The following SLC29A3 variants were observed in gnomAD, a reference collection of about 807,000 sequenced individuals.
The protein encoded by SLC29A3 is equilibrative nucleoside transporter 3.
Under a neutral mutation model 25.4 loss-of-function variants are expected in SLC29A3, and 18 were observed. The observed-to-expected ratio is 0.71, with a 90% CI of 0.49 to 1.05. SLC29A3 has a LOEUF of 1.05. Ranked by LOEUF, SLC29A3 falls within the 50% of genes least tolerant of loss-of-function variation. The pLI is 0.00. For missense variants in SLC29A3, 586 were observed against 609.0 expected (o/e 0.96, Z 0.40); for synonymous variants, 258 against 267.1 (o/e 0.97, Z 0.33).
chr10:71,341,104 G>A (rs1381719846), intron 2 of SLC29A3, among the ~76,000 whole-genome samples: 1 of 152,178 alleles, frequency 6.6e-6, no homozygotes, highest in East Asian at 1.9e-4. Flanking sequence ...CCTCTCATTG[G>A]TTAAAGTGGG....
At chr10:71,354,803 T>C (rs1846854685) in intron 4 of SLC29A3, among the ~76,000 whole-genome samples, 1 of 152,178 alleles carries the variant, frequency 6.6e-6, no homozygotes, top group African/African-American at 2.4e-5. Flanking sequence ...TGTCAGTGCT[T>C]TTCCACTCAT....
rs190775850 is a variant in SLC29A3, at chr10:71,361,448, C to T, written c.774-506C>T. On this transcript the variant is annotated intron_variant, in intron 5 of 5. Transcript: ENST00000373189. ...AAGTATTGGGATTATAGGCGTGAGC[C>T]ATCATGCCCGGCCTAGAATGTTAAC... Among the ~76,000 whole-genome samples the T allele has an allele frequency of 3.9e-3, 593 of 152,324 alleles. 3 individuals are homozygous for T. Among genetic ancestry groups the T allele is most frequent in the African/African-American group, 0.013 (553 of 41,560 alleles).
chr10:71,369,267 T>G (rs1267100285), intron 3 of SLC29A3, among the ~76,000 whole-genome samples: 2 of 152,230 alleles, frequency 1.3e-5, no homozygotes, highest in Non-Finnish European at 2.9e-5. Context: ...GCTATGATAT[T>G]TTTGTTATAG....
At chr10:71,340,116 G>A (rs1280743003) in intron 2 of SLC29A3, among the ~76,000 whole-genome samples, 1 of 152,224 alleles carries the variant, frequency 6.6e-6, no homozygotes, top group Non-Finnish European at 1.5e-5. Context: ...CCTGCCCAGG[G>A]CCCTCCTGCT....
intron 2 of SLC29A3, among the ~76,000 whole-genome samples, chr10:71,328,963 C>A (rs1246207795): frequency 6.6e-6 from 1 of 152,154 alleles, no homozygotes; most frequent in Non-Finnish European, 1.5e-5. Flanking sequence ...CCTCCCAATC[C>A]AAGGAGGAAG....
downstream of SLC29A3, among the ~76,000 whole-genome samples, chr10:71,363,618 C>T (rs1589245740): frequency 6.6e-6 from 1 of 151,596 alleles, no homozygotes; most frequent in African/African-American, 2.4e-5. Flanking sequence ...TGCACACCAC[C>T]ATGCCTCGCT....
chr10:71,332,133 T>G (rs575390234), intron 2 of SLC29A3, among the ~76,000 whole-genome samples: 5 of 148,776 alleles, frequency 3.4e-5, no homozygotes, highest in Admixed American at 7.1e-5. Context: ...TTTTCTTCTC[T>G]TTTCTTTTTC....
intron 2 of SLC29A3, among the ~76,000 whole-genome samples, chr10:71,336,817 A>C (rs1846265545): frequency 6.6e-6 from 1 of 152,000 alleles, no homozygotes; most frequent in Non-Finnish European, 1.5e-5. Flanking sequence ...AGAAGACAGG[A>C]ACTTTGCTCA....
intron 3 of SLC29A3, among the ~76,000 whole-genome samples, chr10:71,350,130 A>G (rs1846713243): frequency 6.6e-6 from 1 of 152,010 alleles, no homozygotes; most frequent in Non-Finnish European, 1.5e-5. Context: ...CTCCCTACAG[A>G]CTCACTCCAC....
At chr10:71,355,517 T>C (rs113470720) in intron 4 of SLC29A3, among the ~76,000 whole-genome samples, 203 of 152,276 alleles carry the variant, frequency 1.3e-3, no homozygotes, top group African/African-American at 4.8e-3. Flanking sequence ...GGGTACACAG[T>C]AGGTTCTGTG....
intron 1 of SLC29A3, among the ~76,000 whole-genome samples, chr10:71,321,624 A>G (rs893686210): frequency 1.3e-5 from 2 of 152,250 alleles, no homozygotes; most frequent in Admixed American, 6.5e-5. Flanking sequence ...TTTGTTCAAC[A>G]GCTGCTTATA....
chr10:71,343,364 C>G (rs926733428), intron 2 of SLC29A3, among the ~76,000 whole-genome samples: 16 of 152,218 alleles, frequency 1.1e-4, no homozygotes, highest in African/African-American at 3.4e-4. Context: ...CAGACACATA[C>G]AGCTGCCACA....
At chr10:71,333,832 G>A (rs1470486133) in intron 2 of SLC29A3, among the ~76,000 whole-genome samples, 3 of 152,224 alleles carry the variant, frequency 2.0e-5, no homozygotes, top group African/African-American at 4.8e-5. Context: ...GGGGTCACTC[G>A]TGCATGGATC....
intron 2 of SLC29A3, among the ~76,000 whole-genome samples, chr10:71,332,950 G>A (rs1035414454): frequency 2.6e-5 from 4 of 152,138 alleles, no homozygotes; most frequent in East Asian, 1.9e-4. Context: ...CCCCACCCGC[G>A]CTGCGCTCCC....
At chr10:71,337,694 A>G (rs892787524) in intron 2 of SLC29A3, among the ~76,000 whole-genome samples, 1 of 152,214 alleles carries the variant, frequency 6.6e-6, no homozygotes, top group Non-Finnish European at 1.5e-5. Flanking sequence ...GGGAAGAGAA[A>G]GCTTAACCAG....
intron 5 of SLC29A3, among the ~76,000 whole-genome samples, chr10:71,360,994 G>T (rs780657): frequency 0.87 from 132,253 of 152,258 alleles, 57,954 homozygotes; most frequent in African/African-American, 0.92. Context: ...ATTATTTACA[G>T]ATATTGTATT....
chr10:71,379,205 A>G (rs554105726), intron 4 of SLC29A3, among the ~76,000 whole-genome samples: 220 of 152,344 alleles, frequency 1.4e-3, no homozygotes, highest in Middle Eastern at 0.014. Context: ...GGGCCAGCCC[A>G]TGTTTTGCTC....
downstream of SLC29A3, chr10:71,363,421 C>T (rs1284676262): frequency 2.3e-6 from 1 of 435,226 alleles, no homozygotes; most frequent in Non-Finnish European, 4.6e-6. Flanking sequence ...AGAGTCTTAA[C>T]AAGCAATGGC....
At chr10:71,353,062 C>G (rs1225346541) in intron 4 of SLC29A3, among the ~76,000 whole-genome samples, 1 of 152,216 alleles carries the variant, frequency 6.6e-6, no homozygotes, top group Non-Finnish European at 1.5e-5. Flanking sequence ...GTCCCTTCCC[C>G]ACTCGAGCCA....
Sources: gnomAD v4.1 joint callset for allele counts (sites outside exome capture counted in the v4.1 genomes callset) on GRCh38, gnomAD v4.1.1 for gene constraint, MANE v1.5 for transcripts, NCBI Gene and HGNC (gene_info 2026-07-23, HGNC 2026-07-21) for gene names.